The following CTNNA3 variants were observed in gnomAD, a reference collection of about 807,000 sequenced individuals.
The protein encoded by CTNNA3 is catenin alpha 3, also known as catenin alpha-3.
Under a neutral mutation model 95.7 loss-of-function variants are expected in CTNNA3, and 76 were observed. The ratio of observed to expected loss-of-function variants is 0.79; its 90% CI spans 0.66 to 0.96. The LOEUF (loss-of-function observed/expected upper bound fraction) is 0.96. Among genes scored for constraint, CTNNA3 ranks in the 40% least tolerant of loss-of-function variants. The probability of loss-of-function intolerance (pLI) is 0.00; values close to 1 mark genes in which losing one functional copy is unlikely to be tolerated. For synonymous variants in CTNNA3, 431 were observed against 374.4 expected (o/e 1.15, Z -1.74); for missense variants, 1,191 against 1,089.8 (o/e 1.09, Z -1.31).
chr10:66,947,693 A>T (rs1045076745), intron 7 of CTNNA3, among the ~76,000 whole-genome samples: 2 of 152,126 alleles, frequency 1.3e-5, no homozygotes, highest in Admixed American at 6.6e-5. Flanking sequence ...CTGTTTTCAA[A>T]TATTTTTTTC....
At chr10:66,360,613 TTCTTTC>T (rs1372038976) in intron 12 of CTNNA3, among the ~76,000 whole-genome samples, 2 of 25,962 alleles carry the variant, frequency 7.7e-5, no homozygotes. Flanking sequence ...CTTTCTTTCT[TTCTTTC>T]TTTCTTTCTT....
At chr10:66,170,970 C>T (rs927382252) in intron 13 of CTNNA3, among the ~76,000 whole-genome samples, 8 of 151,784 alleles carry the variant, frequency 5.3e-5, no homozygotes, top group African/African-American at 1.9e-4. Context: ...CTAGTCTCTA[C>T]TAAAAATACA....
chr10:67,524,421 G>A (rs2133698), intron 4 of CTNNA3, among the ~76,000 whole-genome samples: 8,576 of 97,262 alleles, frequency 0.088, 687 homozygotes, highest in African/African-American at 0.23. Context: ...AAAAAAAAAA[G>A]AGTGTTCAAA....
At chr10:67,078,266 T>C (rs1856837899) in intron 7 of CTNNA3, among the ~76,000 whole-genome samples, 1 of 152,210 alleles carries the variant, frequency 6.6e-6, no homozygotes, top group Non-Finnish European at 1.5e-5. Flanking sequence ...AAAGACTTAA[T>C]GTGTACTTCC....
chr10:67,114,776 A>C (rs2131978764), intron 7 of CTNNA3, among the ~76,000 whole-genome samples: 1 of 142,130 alleles, frequency 7.0e-6, no homozygotes, highest in South Asian at 2.3e-4. Flanking sequence ...TGGAGAGGAT[A>C]CAACCTTCTG....
intron 10 of CTNNA3, among the ~76,000 whole-genome samples, chr10:66,529,456 T>TC (rs1455700071): frequency 1.3e-5 from 2 of 150,738 alleles, no homozygotes; most frequent in African/African-American, 4.9e-5. Context: ...TTTTGTTTTT[T>TC]TTTTTTAATA....
At chr10:66,307,678 C>G (rs1564854474) in intron 12 of CTNNA3, among the ~76,000 whole-genome samples, 1 of 152,118 alleles carries the variant, frequency 6.6e-6, no homozygotes, top group East Asian at 1.9e-4. Context: ...AACTGTGACA[C>G]TCATTATGAA....
chr10:66,990,049 A>T (rs903189441), intron 7 of CTNNA3, among the ~76,000 whole-genome samples: 3 of 152,186 alleles, frequency 2.0e-5, no homozygotes, highest in Non-Finnish European at 1.5e-5. Context: ...CATAAAACAG[A>T]TGAGAAGCTC....
intron 5 of CTNNA3, among the ~76,000 whole-genome samples, chr10:67,458,076 G>A (rs1048772792): frequency 1.3e-5 from 2 of 152,038 alleles, no homozygotes; most frequent in African/African-American, 4.8e-5. Flanking sequence ...ATGCCATAAT[G>A]TATATAAAGC....
At chr10:67,582,821 CT>C (rs1842456938) in intron 3 of CTNNA3, among the ~76,000 whole-genome samples, 2 of 152,220 alleles carry the variant, frequency 1.3e-5, no homozygotes, top group African/African-American at 4.8e-5. Flanking sequence ...CAATGGCCTT[CT>C]TTGTCTCTTT....
chr10:66,324,543 CA>C lies in CTNNA3; in HGVS notation c.1733-43923del, dbSNP rs138063684. 5.7e-3 allele frequency among the ~76,000 whole-genome samples: 869 copies of C among 152,222 alleles called. 13 individuals carry two copies. The highest frequency in any genetic ancestry group is 0.02 in the African/African-American group (838 of 41,562). On this transcript the variant is annotated intron_variant, in intron 12 of 17. Transcript: ENST00000433211. ...TTGTAACACTGGGGTTGCAGGCACC[CA>C]CCCCTAGACACTACCACAGGGCCAG...
chr10:66,666,491 T>C (rs1846455235), intron 9 of CTNNA3, among the ~76,000 whole-genome samples: 1 of 152,172 alleles, frequency 6.6e-6, no homozygotes, highest in Admixed American at 6.6e-5. Flanking sequence ...ATCACTTTTG[T>C]CATATAAGAG....
At chr10:67,237,126 GTATATA>G (rs59511861) in intron 5 of CTNNA3, among the ~76,000 whole-genome samples, 53 of 39,874 alleles carry the variant, frequency 1.3e-3, no homozygotes, top group African/African-American at 4.5e-3. Flanking sequence ...TATGGTGTAT[GTATATA>G]TATATATATA....
chr10:66,791,747 T>C (rs1208486188), intron 7 of CTNNA3, among the ~76,000 whole-genome samples: 2 of 151,866 alleles, frequency 1.3e-5, no homozygotes, highest in African/African-American at 2.4e-5. Flanking sequence ...AGTGAATTAA[T>C]TACTTGTTTT....
intron 9 of CTNNA3, among the ~76,000 whole-genome samples, chr10:66,687,435 A>G (rs1847338667): frequency 6.6e-6 from 1 of 152,086 alleles, no homozygotes; most frequent in African/African-American, 2.4e-5. Flanking sequence ...CCTGTAAATA[A>G]TATTTTCCCC....
intron 7 of CTNNA3, among the ~76,000 whole-genome samples, chr10:66,785,668 T>C (rs574892162): frequency 3.9e-5 from 6 of 152,292 alleles, no homozygotes; most frequent in Non-Finnish European, 2.9e-5. Flanking sequence ...AATTATACCA[T>C]TGGCTTCCCA....
At chr10:67,095,550 A>G (rs1199037754) in intron 7 of CTNNA3, among the ~76,000 whole-genome samples, 1 of 151,834 alleles carries the variant, frequency 6.6e-6, no homozygotes, top group Non-Finnish European at 1.5e-5. Context: ...TAAATCAAGC[A>G]GGAAATTGTG....
At chr10:66,386,558 C>A (rs2092894357) in intron 11 of CTNNA3, among the ~76,000 whole-genome samples, 1 of 152,296 alleles carries the variant, frequency 6.6e-6, no homozygotes. Flanking sequence ...CCCCATCAAG[C>A]TACCAATGAC....
chr10:66,919,392 C>A (rs980229207), intron 7 of CTNNA3, among the ~76,000 whole-genome samples: 14 of 152,102 alleles, frequency 9.2e-5, no homozygotes, highest in South Asian at 6.2e-4. Flanking sequence ...CATAAGTCTG[C>A]CACTGAAGTT....
Sources: allele counts gnomAD v4.1 joint callset (sites outside exome capture counted in the v4.1 genomes callset), GRCh38; gene constraint gnomAD v4.1.1; transcripts MANE v1.5; gene names NCBI Gene and HGNC (gene_info 2026-07-23, HGNC 2026-07-21).